SCN9A: variants seen among roughly 807,000 people sequenced by gnomAD.
SCN9A encodes the protein sodium channel protein type 9 subunit alpha.
SCN9A carries 131 observed loss-of-function variants against 187.0 expected under a neutral mutation model. The ratio of observed to expected loss-of-function variants is 0.70; its 90% CI spans 0.61 to 0.81. The LOEUF is 0.81. Ranked by LOEUF, SCN9A falls within the 30% of genes least tolerant of loss-of-function variation. The pLI, the probability that SCN9A is intolerant of heterozygous loss-of-function variation, is 0.00. For synonymous variants in SCN9A, 809 were observed against 808.6 expected (o/e 1.00, Z -0.01); for missense variants, 2,252 against 2,396.6 (o/e 0.94, Z 1.26).
chr2:166,288,120 T>TATATATATACACAC (rs56738765), intron 10 of SCN9A, among the ~76,000 whole-genome samples: 18 of 135,558 alleles, frequency 1.3e-4, no homozygotes, highest in South Asian at 7.2e-4. Context: ...TATATATATA[T>TATATATATACACAC]ACACACACAT....
chr2:166,305,270 A>G (rs1698716839), intron 5 of SCN9A, among the ~76,000 whole-genome samples: 1 of 152,124 alleles, frequency 6.6e-6, no homozygotes, highest in African/African-American at 2.4e-5. Flanking sequence ...ACTGTAATGT[A>G]ATATTTTCCT....
intron 17 of SCN9A, among the ~76,000 whole-genome samples, chr2:166,263,902 C>T (rs1696620489): frequency 6.6e-6 from 1 of 152,016 alleles, no homozygotes; most frequent in South Asian, 2.1e-4. Flanking sequence ...AGGATACTTA[C>T]TAGAGCCTTT....
chr2:166,278,419 G>C, intron 14 of SCN9A, 106 bp from the exon 15 acceptor site: 1 of 916,018 alleles, frequency 1.1e-6, no homozygotes, highest in South Asian at 1.9e-5. Flanking sequence ...CAGACAGTTT[G>C]CTAAATACTT....
chr2:166,307,025 G>C lies in SCN9A; in HGVS notation c.308C>G (p.Thr103Arg). The C allele has an allele frequency of 1.2e-6, 2 of 1,612,078 alleles. No individual in the cohort carries two copies. Among genetic ancestry groups the C allele is most frequent in the Non-Finnish European group, 1.7e-6 (2 of 1,178,346 alleles). The change falls in exon 3 of 27, where the codon ACA (threonine) becomes AGA (arginine). Residue 103 changes from threonine (T) to arginine (R), a missense_variant. Thr to Arg is a moderately conservative substitution (Grantham distance 71). This residue lies in a region of SCN9A where 1,013 missense variants were observed against 997.4 expected (regional missense o/e 1.02). Coordinates refer to ENST00000642356, the MANE Select transcript of SCN9A (RefSeq NM_001365536.1). ...AGGAGAAAGCATATATAAAGCAGGT[G>C]TGGCATTGAAACGGAAGATTGTTTT... ...KGKTIFRFNA[T>R]PALYMLSPFS...
chr2:166,372,356 T>C (rs1163776414), intron 1 of SCN9A, among the ~76,000 whole-genome samples: 2 of 152,208 alleles, frequency 1.3e-5, no homozygotes, highest in Non-Finnish European at 2.9e-5. Flanking sequence ...ACTACATTTC[T>C]ATCAACTGAG....
intron 17 of SCN9A, among the ~76,000 whole-genome samples, chr2:166,267,392 C>T (rs1436781663): frequency 6.6e-6 from 1 of 151,906 alleles, no homozygotes; most frequent in African/African-American, 2.4e-5. Flanking sequence ...CTTTGCATCC[C>T]TGGGACGATT....
At chr2:166,312,333 A>G (rs1254799631) in intron 1 of SCN9A, among the ~76,000 whole-genome samples, 2 of 152,138 alleles carry the variant, frequency 1.3e-5, no homozygotes, top group African/African-American at 4.8e-5. Context: ...TCATCCATTC[A>G]AGTTACCGCG....
chr2:166,250,441 T>C (rs979172554), intron 18 of SCN9A, among the ~76,000 whole-genome samples: 3 of 152,272 alleles, frequency 2.0e-5, no homozygotes, highest in South Asian at 2.1e-4. Flanking sequence ...TGGATGCTGA[T>C]ATCCCCATTT....
rs1266847469 is a variant in SCN9A, at chr2:166,306,988, T to C, written c.345A>G (p.Leu115=). The change falls in exon 3 of 27, where the codon CTA becomes CTG. Residue 115 remains leucine (L), a synonymous_variant. Coordinates refer to ENST00000642356, the MANE Select transcript of SCN9A (RefSeq NM_001365536.1). ...CTAAAATCTTAATAGATATTCTTCT[T>C]AGAGGACTGAAAGGAGAAAGCATAT... ...ALYMLSPFSP[L]RRISIKILVH... 1.9e-6 allele frequency: 3 copies of C among 1,606,970 alleles called. No homozygotes were observed. The highest frequency in any genetic ancestry group is 2.6e-6 in the Non-Finnish European group (3 of 1,173,856).
Position 166,228,769 on chromosome 2 carries a change from A to C in SCN9A, c.4128T>G (p.Val1376=). The C allele has an allele frequency of 6.2e-7, 1 of 1,613,876 alleles. No homozygotes were observed. The highest frequency in any genetic ancestry group is 8.5e-7 in the Non-Finnish European group (1 of 1,179,792). Residue 1376 remains valine (V), a synonymous_variant, in exon 22 of 27, where the codon GTT becomes GTG. Transcript: ENST00000642356. The stretch of plus-strand genomic sequence containing the variant: ...GGTTTTTCCATCGCACATTTTGACT[A>C]ACATTCATAAGGGCAAAACATTCGG... ...NRSECFALMN[V]SQNVRWKNLK...
At chr2:166,277,565 AC>A (rs1184213563) in intron 15 of SCN9A, among the ~76,000 whole-genome samples, 1 of 152,116 alleles carries the variant, frequency 6.6e-6, no homozygotes, top group Admixed American at 6.5e-5. Context: ...GAAACTATGT[AC>A]TTTTAGTTCA....
intron 17 of SCN9A, among the ~76,000 whole-genome samples, chr2:166,256,826 A>G (rs7607967): frequency 0.57 from 85,687 of 151,294 alleles, 24,677 homozygotes; most frequent in Non-Finnish European, 0.6. Flanking sequence ...GAAATTCAGA[A>G]TAAAACCAGT....
chr2:166,206,979 A>G (rs1693836539), intron 24 of SCN9A, among the ~76,000 whole-genome samples: 1 of 152,176 alleles, frequency 6.6e-6, no homozygotes, highest in Non-Finnish European at 1.5e-5. Context: ...TTAAAATTCA[A>G]CAGTAAATAA....
chr2:166,295,370 G>C (rs1005696575), intron 7 of SCN9A, among the ~76,000 whole-genome samples: 2 of 152,188 alleles, frequency 1.3e-5, no homozygotes, highest in African/African-American at 2.4e-5. Context: ...TCTGAGAAAT[G>C]CATCATTAGG....
chr2:166,233,673 A>T (rs893303855), intron 20 of SCN9A, among the ~76,000 whole-genome samples: 2 of 152,106 alleles, frequency 1.3e-5, no homozygotes, highest in Non-Finnish European at 2.9e-5. Flanking sequence ...AGAAGAAATA[A>T]TGTAAGCAAA....
intron 1 of SCN9A, among the ~76,000 whole-genome samples, chr2:166,333,818 C>CTTT (rs1699567171): frequency 1.3e-5 from 2 of 151,946 alleles, no homozygotes; most frequent in African/African-American, 2.4e-5. Flanking sequence ...TCAAAATATA[C>CTTT]TCATGACAAA....
chr2:166,294,516 C>A, intron 8 of SCN9A, 83 bp downstream of exon 8: 1 of 929,398 alleles, frequency 1.1e-6, no homozygotes, highest in Non-Finnish European at 1.7e-6. Flanking sequence ...AATATAGAAT[C>A]AAAGACTAAT....
intron 24 of SCN9A, among the ~76,000 whole-genome samples, chr2:166,220,802 A>G (rs1035954099): frequency 2.0e-5 from 3 of 152,216 alleles, no homozygotes; most frequent in African/African-American, 4.8e-5. Flanking sequence ...ACACAGCACT[A>G]GAAGTCCTAG....
intron 1 of SCN9A, among the ~76,000 whole-genome samples, chr2:166,374,918 T>TAA (rs537648288): frequency 1.4e-5 from 2 of 142,328 alleles, no homozygotes; most frequent in African/African-American, 2.6e-5. Flanking sequence ...CGCTCCAACT[T>TAA]AAAAAAAAAA....
Sources: gnomAD v4.1 joint callset for allele counts (sites outside exome capture counted in the v4.1 genomes callset) on GRCh38, gnomAD v4.1.1 for gene constraint, gnomAD v4.1.1 regional missense constraint, MANE v1.5 for transcripts, NCBI Gene and HGNC (gene_info 2026-07-23, HGNC 2026-07-21) for gene names.